Variants in SOX5 observed in about 807,000 individuals in gnomAD.
The protein encoded by SOX5 is SRY-box transcription factor 5, also known as transcription factor SOX-5.
SOX5 carries 9 observed loss-of-function variants against 92.0 expected under a neutral mutation model. The observed-to-expected ratio is 0.10, with a 90% CI of 0.06 to 0.17. SOX5 has a LOEUF of 0.17. SOX5 is among the 10% of genes least tolerant of loss of function. SOX5 has a pLI of 1.00. For missense variants in SOX5, 642 were observed against 944.5 expected, an observed-to-expected ratio of 0.68 and a Z score of 4.20; for synonymous variants, 344 against 336.3, an observed-to-expected ratio of 1.02 and a Z score of -0.25.
intron 2 of SOX5, among the ~76,000 whole-genome samples, chr12:24,346,492 C>T (rs1953267725): frequency 6.7e-6 from 1 of 148,750 alleles, no homozygotes; most frequent in Non-Finnish European, 1.5e-5. Context: ...CACTCTGTTG[C>T]CTAGGCTGGA....
At chr12:24,008,128 T>C (rs1342428338) in intron 4 of SOX5, among the ~76,000 whole-genome samples, 1 of 152,042 alleles carries the variant, frequency 6.6e-6, no homozygotes, top group East Asian at 1.9e-4. Context: ...GTCTACTAAT[T>C]TAGGGACAGT....
In SOX5 at chr12:24,518,998, C is replaced by T. The variant is rs534463789; in HGVS notation, c.-251+43331G>A. ...TAGGATTGCATGATCATTATACTTC[C>T]AAGAGAAAATATAAAAACGTTTATT... On this transcript the variant is annotated intron_variant, in intron 1 of 4. Coordinates refer to the SOX5 transcript ENST00000446891. Among the ~76,000 whole-genome samples the T allele has an allele frequency of 8.6e-5, 13 of 151,982 alleles. No homozygotes were observed. In the South Asian group the frequency reaches 2.7e-3, roughly 32 times the overall value.
At chr12:23,992,867 A>G (rs1488583684) in intron 4 of SOX5, among the ~76,000 whole-genome samples, 1 of 152,226 alleles carries the variant, frequency 6.6e-6, no homozygotes, top group Non-Finnish European at 1.5e-5. Flanking sequence ...TAAAGCATGC[A>G]TGACAAAAGA....
chr12:23,841,832 G>T (rs1317809674), intron 3 of SOX5, among the ~76,000 whole-genome samples: 1 of 152,110 alleles, frequency 6.6e-6, no homozygotes, highest in Non-Finnish European at 1.5e-5. Flanking sequence ...TTGGAGTGGT[G>T]AAGGCTATTC....
intron 2 of SOX5, among the ~76,000 whole-genome samples, chr12:24,346,342 ACATATATG>A (rs1953242557): frequency 6.6e-6 from 1 of 152,220 alleles, no homozygotes; most frequent in Admixed American, 6.5e-5. Context: ...AAATTTCCAA[ACATATATG>A]AAATAGAAAA....
intron 4 of SOX5, among the ~76,000 whole-genome samples, chr12:24,201,333 G>A (rs1957497546): frequency 6.8e-6 from 1 of 148,098 alleles, no homozygotes; most frequent in Non-Finnish European, 1.5e-5. Flanking sequence ...CACATGATTT[G>A]TATCCTTTTC....
At chr12:23,589,810 T>C (rs1951272567) in intron 9 of SOX5, among the ~76,000 whole-genome samples, 1 of 150,490 alleles carries the variant, frequency 6.6e-6, no homozygotes, top group Admixed American at 6.6e-5. Flanking sequence ...ATCCAAACCA[T>C]TGACCTTTGA....
At chr12:24,342,337 C>G (rs1167430659) in intron 2 of SOX5, among the ~76,000 whole-genome samples, 5 of 152,210 alleles carry the variant, frequency 3.3e-5, no homozygotes, top group Admixed American at 3.3e-4. Context: ...GTCTACACCT[C>G]CAATCTAGAC....
At chr12:23,898,747 T>C (rs1421460033) in intron 1 of SOX5, among the ~76,000 whole-genome samples, 1 of 152,246 alleles carries the variant, frequency 6.6e-6, no homozygotes, top group African/African-American at 2.4e-5. Context: ...GGAAGGCAAC[T>C]GATCCTAGAA....
chr12:24,202,420 G>T (rs1315700470), intron 4 of SOX5, among the ~76,000 whole-genome samples: 1 of 151,980 alleles, frequency 6.6e-6, no homozygotes, highest in Non-Finnish European at 1.5e-5. Flanking sequence ...CTTTACTCAG[G>T]TTCCCACAAA....
intron 3 of SOX5, among the ~76,000 whole-genome samples, chr12:23,807,575 T>A (rs1466234359): frequency 6.6e-6 from 1 of 151,944 alleles, no homozygotes; most frequent in Non-Finnish European, 1.5e-5. Flanking sequence ...TTCAGAAGGA[T>A]CATGGCTCTG....
intron 2 of SOX5, among the ~76,000 whole-genome samples, chr12:24,314,023 T>A (rs938271799): frequency 6.6e-6 from 1 of 152,162 alleles, no homozygotes; most frequent in Non-Finnish European, 1.5e-5. Flanking sequence ...GTTGATGGAA[T>A]CTTTAAATGC....
At chr12:23,656,187 ATT>A (rs56680824) in intron 7 of SOX5, among the ~76,000 whole-genome samples, 16 of 148,882 alleles carry the variant, frequency 1.1e-4, no homozygotes, top group African/African-American at 3.4e-4. Flanking sequence ...GTTTCATTGT[ATT>A]TTTTTTTTTC....
At chr12:23,687,227 C>G (rs1051102072) in intron 6 of SOX5, among the ~76,000 whole-genome samples, 1 of 151,896 alleles carries the variant, frequency 6.6e-6, no homozygotes, top group African/African-American at 2.4e-5. Context: ...ATTTTCAAGG[C>G]AGAATTTTGT....
intron 3 of SOX5, among the ~76,000 whole-genome samples, chr12:24,274,678 A>C (rs1219062494): frequency 6.6e-6 from 1 of 151,664 alleles, no homozygotes; most frequent in African/African-American, 2.4e-5. Flanking sequence ...AAAGGAAAAA[A>C]AAAAAAAGCT....
In SOX5 at chr12:23,532,204, A is replaced by G. The variant is rs975258755; in HGVS notation, c.*2015T>C. ...ATAAAGTCATCAAAAACAAACAAAC[A>G]GAAAAACAAACAAAATGAAATCTCT... On this transcript the variant is annotated 3_prime_UTR_variant, in exon 15 of 15. Coordinates refer to ENST00000451604, the MANE Select transcript of SOX5 (RefSeq NM_006940.6). 1 of 152,036 alleles carries G rather than the reference A, an allele frequency of 6.6e-6. No homozygotes were observed. Among genetic ancestry groups the G allele is most frequent in the Admixed American group, 6.6e-5 (1 of 15,246 alleles). 9.4% of individuals were successfully genotyped at this position (152,036 alleles called of 1,614,324 possible). A position where few individuals can be genotyped will look rare whatever the true frequency, so the allele number is the denominator to read the frequency against.
chr12:23,632,069 T>A (rs1286027045), intron 8 of SOX5: 2 of 152,174 alleles, frequency 1.3e-5, no homozygotes, highest in African/African-American at 2.4e-5. Context: ...TTCTTTAGTA[T>A]GCAAAATGTC....
At chr12:23,792,402 A>G (rs1056894436) in intron 3 of SOX5, among the ~76,000 whole-genome samples, 2 of 151,832 alleles carry the variant, frequency 1.3e-5, no homozygotes, top group African/African-American at 2.4e-5. Flanking sequence ...AGGTGGGTGG[A>G]TCATGAGGTC....
At chr12:23,726,120 AGAGAGAGAGAG>A (rs1567255414) in intron 6 of SOX5, among the ~76,000 whole-genome samples, 5 of 3,954 alleles carry the variant, frequency 1.3e-3, no homozygotes, top group African/African-American at 7.2e-3. Context: ...TACATCCCCG[AGAGAGAGAGAG>A]AGAGAGAGAG....
Sources: allele counts gnomAD v4.1 joint callset (sites outside exome capture counted in the v4.1 genomes callset), GRCh38; gene constraint gnomAD v4.1.1; transcripts MANE v1.5; gene names NCBI Gene and HGNC (gene_info 2026-07-23, HGNC 2026-07-21).